Variants in TRAK2 observed in about 807,000 individuals in gnomAD.
The protein encoded by TRAK2 is trafficking kinesin-binding protein 2.
In TRAK2, 81 loss-of-function variants were observed where a neutral mutation model predicts 104.6. That is an observed-to-expected ratio of 0.77 (90% CI 0.65 to 0.93). TRAK2 has a LOEUF of 0.93. Among genes scored for constraint, TRAK2 ranks in the 40% least tolerant of loss-of-function variants. The pLI, the probability that TRAK2 is intolerant of heterozygous loss-of-function variation, is 0.00. For synonymous variants in TRAK2, 406 were observed against 394.4 expected (o/e 1.03, Z -0.35); for missense variants, 1,002 against 1,089.0 (o/e 0.92, Z 1.12).
chr2:201,422,685 TA>T (rs926286271), intron 1 of TRAK2, among the ~76,000 whole-genome samples: 2 of 152,094 alleles, frequency 1.3e-5, no homozygotes, highest in African/African-American at 4.8e-5. Context: ...TCGGTTTATT[TA>T]AAAAGGGGTA....
rs1456217357 is a variant in TRAK2 at position 201,395,461 on chromosome 2, A to T, written c.770-17T>A. ...TTGTTTCACCTTGGAAGCAAAAAAA[A>T]TTTTTTTAAATTAATACAAATGTAG... On this transcript the variant is annotated splice_polypyrimidine_tract_variant and intron_variant, in intron 7 of 15. Coordinates refer to ENST00000332624, the MANE Select transcript of TRAK2 (RefSeq NM_015049.3). The T allele has an allele frequency of 6.0e-6, 9 of 1,498,944 alleles. No individual in the cohort carries two copies. Among genetic ancestry groups the T allele is most frequent in the East Asian group, 2.3e-5 (1 of 43,536 alleles). 92.9% of individuals were successfully genotyped at this position (1,498,944 alleles called of 1,614,324 possible). A position where few individuals can be genotyped will look rare whatever the true frequency, so the allele number is the denominator to read the frequency against.
At position 201,380,364 on chromosome 2, in the gene TRAK2, G is replaced by C; in HGVS notation, c.*179C>G. Reference sequence around the variant, plus strand: ...GCCCATTCATTTATACTTTCAATTTGCCCGACTTCCTCCATTAGGGCTCAT... The same window carrying C: ...GCCCATTCATTTATACTTTCAATTTCCCCGACTTCCTCCATTAGGGCTCAT... On this transcript the variant is annotated 3_prime_UTR_variant, in exon 16 of 16. Coordinates refer to ENST00000332624, the MANE Select transcript of TRAK2 (RefSeq NM_015049.3). 1.5e-6 allele frequency: 1 copy of C among 654,532 alleles called. No homozygotes were observed. The highest frequency in any genetic ancestry group is 2.6e-6 in the Non-Finnish European group (1 of 384,332). The allele number at this position is 654,532 out of a possible 1,614,324, so 40.5% of individuals were successfully genotyped here. A position where few individuals can be genotyped will look rare whatever the true frequency, so the allele number is the denominator to read the frequency against.
intron 2 of TRAK2, chr2:201,411,950 T>C: frequency 1.0e-6 from 1 of 970,536 alleles, no homozygotes; most frequent in South Asian, 1.3e-5. Context: ...GGAAGGAGCT[T>C]CTAGTGCTCT....
intron 3 of TRAK2, among the ~76,000 whole-genome samples, chr2:201,405,304 A>T (rs1172289741): frequency 6.6e-6 from 1 of 152,194 alleles, no homozygotes; most frequent in Non-Finnish European, 1.5e-5. Context: ...ATACCTACCA[A>T]TTGGAAGTAA....
chr2:201,419,689 G>A (rs1951723856), intron 2 of TRAK2, among the ~76,000 whole-genome samples: 1 of 152,106 alleles, frequency 6.6e-6, no homozygotes, highest in Non-Finnish European at 1.5e-5. Context: ...TAAAATGAGT[G>A]TATTTTATTG....
At chr2:201,441,988 G>A (rs1264235607) in intron 1 of TRAK2, among the ~76,000 whole-genome samples, 2 of 150,952 alleles carry the variant, frequency 1.3e-5, no homozygotes, top group African/African-American at 2.4e-5. Context: ...CACTGTGCCC[G>A]GCCGATGGTG....
rs1951316773 is a variant in TRAK2 at position 201,379,332 on chromosome 2, G to C, written c.*1211C>G. The C allele has an allele frequency of 6.6e-6, 1 of 152,130 alleles. No individual in the cohort carries two copies. Among genetic ancestry groups the C allele is most frequent in the African/African-American group, 2.4e-5 (1 of 41,420 alleles). The allele number at this position is 152,130 out of a possible 1,614,324, so 9.4% of individuals were successfully genotyped here. On this transcript the variant is annotated 3_prime_UTR_variant, in exon 16 of 16. Transcript: ENST00000332624. ...AAAAAAAAAGAACCTTAGAGAAAAAGAAAAAGCTTTGACTCCCCCATTAAA... is the reference window on the plus strand; with the variant it reads ...AAAAAAAAAGAACCTTAGAGAAAAACAAAAAGCTTTGACTCCCCCATTAAA...
intron 15 of TRAK2, 88 bp from the exon 16 acceptor site, chr2:201,381,306 T>C: frequency 2.4e-6 from 3 of 1,236,942 alleles, no homozygotes; most frequent in Admixed American, 2.8e-5. Flanking sequence ...ATAGTAGTTA[T>C]CCTTGGTAAA....
intron 2 of TRAK2, chr2:201,413,002 G>A (rs527285222): frequency 1.3e-5 from 10 of 776,636 alleles, no homozygotes; most frequent in East Asian, 4.9e-5. Context: ...AAGAATGCTG[G>A]ACAGTAAGAA....
intron 2 of TRAK2, among the ~76,000 whole-genome samples, chr2:201,419,970 T>C (rs2125654440): frequency 6.6e-6 from 1 of 152,270 alleles, no homozygotes; most frequent in African/African-American, 2.4e-5. Context: ...TGAATAAAAG[T>C]GTAGAAAAAA....
chr2:201,445,638 AT>A (rs1559457051), intron 1 of TRAK2, among the ~76,000 whole-genome samples: 1 of 152,230 alleles, frequency 6.6e-6, no homozygotes, highest in Non-Finnish European at 1.5e-5. Flanking sequence ...AAAGATTTGG[AT>A]AGGTGAGGAG....
intron 2 of TRAK2, chr2:201,413,334 T>G: frequency 1.9e-6 from 2 of 1,058,814 alleles, no homozygotes; most frequent in Non-Finnish European, 1.4e-6. Context: ...TAGTTATAGT[T>G]ACCTTTTCCC....
At chr2:201,415,444 A>AG (rs1951683375) in intron 2 of TRAK2, among the ~76,000 whole-genome samples, 1 of 152,228 alleles carries the variant, frequency 6.6e-6, no homozygotes, top group African/African-American at 2.4e-5. Flanking sequence ...TAACAGAATT[A>AG]ATAAGCAGCA....
At chr2:201,417,241 CAAAA>C (rs61702415) in intron 2 of TRAK2, among the ~76,000 whole-genome samples, 4 of 88,420 alleles carry the variant, frequency 4.5e-5, no homozygotes, top group Admixed American at 1.2e-4. Flanking sequence ...GAAGACATTG[CAAAA>C]AAAAAAAAAA....
chr2:201,424,650 C>T (rs575519222), intron 1 of TRAK2, among the ~76,000 whole-genome samples: 347 of 151,642 alleles, frequency 2.3e-3, no homozygotes, highest in African/African-American at 7.8e-3. Flanking sequence ...TCGCCCAGGC[C>T]GGACTGCAGT....
rs372278248 is a variant in TRAK2, at chr2:201,399,361, T to C, written c.480+16A>G. ...CCTAATTATTTCATACTGCAGACATTTGATCAAAGGCTTACTTGATCAAAG... is the reference window on the plus strand; with the variant it reads ...CCTAATTATTTCATACTGCAGACATCTGATCAAAGGCTTACTTGATCAAAG... On this transcript the variant is annotated intron_variant, in intron 5 of 15. Coordinates refer to ENST00000332624, the MANE Select transcript of TRAK2 (RefSeq NM_015049.3). The C allele has an allele frequency of 1.1e-5, 17 of 1,556,240 alleles. No individual in the cohort carries two copies. The highest frequency in any genetic ancestry group is 9.0e-5 in the East Asian group (4 of 44,520).
rs904336060 is a variant in TRAK2 at position 201,420,440 on chromosome 2, T to C, written c.68A>G (p.His23Arg). The C allele has an allele frequency of 3.1e-6, 5 of 1,613,926 alleles. No homozygotes were observed. The African/African-American group carries it at 5.3e-5, about 17-fold the overall frequency. The change falls in exon 2 of 16, where the codon CAC (histidine) becomes CGC (arginine). Residue 23 changes from histidine to arginine, a missense_variant. Physicochemically the swap from His to Arg is conservative, Grantham distance 29 (BLOSUM62 0). Coordinates refer to ENST00000332624, the MANE Select transcript of TRAK2 (RefSeq NM_015049.3). The part of the protein sequence containing the change: ...TGEENLMNSN[H>R]RDSESITDVC... Reference sequence around the variant, plus strand: ...ACCAGTGATGCTCTCCGAGTCTCTGTGATTGCTATTCATGAGGTTTTCTTC... The same window carrying C: ...ACCAGTGATGCTCTCCGAGTCTCTGCGATTGCTATTCATGAGGTTTTCTTC...
intron 1 of TRAK2, chr2:201,433,569 T>A (rs968099450): frequency 4.6e-5 from 7 of 152,210 alleles, no homozygotes; most frequent in African/African-American, 1.7e-4. Context: ...AGTTGAATAT[T>A]TTGGGCATTT....
intron 2 of TRAK2, chr2:201,412,976 T>A (rs1951661034): frequency 5.2e-6 from 4 of 772,298 alleles, no homozygotes; most frequent in Non-Finnish European, 9.5e-6. Context: ...CACCAAGCAA[T>A]CCCTGGATTC....
Sources: gnomAD v4.1 joint callset for allele counts (sites outside exome capture counted in the v4.1 genomes callset) on GRCh38, gnomAD v4.1.1 for gene constraint, MANE v1.5 for transcripts, NCBI Gene and HGNC (gene_info 2026-07-23, HGNC 2026-07-21) for gene names.